SULF1: variants seen among roughly 807,000 people sequenced by gnomAD.
The protein encoded by SULF1 is extracellular sulfatase Sulf-1.
A neutral mutation model predicts 110.5 loss-of-function variants in SULF1; 46 were observed. The observed-to-expected ratio is 0.42, with a 90% CI of 0.33 to 0.53. SULF1 has a LOEUF of 0.53. SULF1 is among the 20% of genes least tolerant of loss of function. The pLI is 0.12. For synonymous variants in SULF1, 371 were observed against 387.1 expected (o/e 0.96, Z 0.49); for missense variants, 941 against 1,094.2 (o/e 0.86, Z 1.98).
At chr8:69,565,958 C>A (rs1815849029) in intron 5 of SULF1, among the ~76,000 whole-genome samples, 1 of 152,158 alleles carries the variant, frequency 6.6e-6, no homozygotes, top group South Asian at 2.1e-4. Context: ...CCTGGAGAAA[C>A]CCTACCTGTT....
At chr8:69,492,635 T>C (rs1052324571), upstream of SULF1, 13 of 152,248 alleles carry the variant, frequency 8.5e-5, no homozygotes, top group African/African-American at 3.1e-4. Context: ...GCAGTTTGTT[T>C]GCCGAGGTTT....
intron 19 of SULF1, among the ~76,000 whole-genome samples, chr8:69,630,351 A>T (rs372206235): frequency 6.6e-6 from 1 of 152,192 alleles, no homozygotes; most frequent in African/African-American, 2.4e-5. Context: ...ATTGAAGCTT[A>T]CCAGCCTATA....
At chr8:69,578,732 C>T (rs538079736) in intron 6 of SULF1, among the ~76,000 whole-genome samples, 1 of 152,206 alleles carries the variant, frequency 6.6e-6, no homozygotes, top group East Asian at 1.9e-4. Context: ...AGATTTGCTC[C>T]TGGAAACTAA....
chr8:69,549,619 G>C (rs1249373493), intron 3 of SULF1, among the ~76,000 whole-genome samples: 2 of 152,088 alleles, frequency 1.3e-5, no homozygotes, highest in African/African-American at 4.8e-5. Context: ...CATGGACTGG[G>C]GATATTGAAG....
chr8:69,521,010 G>C (rs1247889148), intron 3 of SULF1, among the ~76,000 whole-genome samples: 1 of 152,036 alleles, frequency 6.6e-6, no homozygotes, highest in Non-Finnish European at 1.5e-5. Flanking sequence ...TATAAAATGG[G>C]GGAAAATTTC....
At position 69,574,845 on chromosome 8, in the gene SULF1, C is replaced by T. The variant is rs182849203; in HGVS notation, c.173-1125C>T. On this transcript the variant is annotated intron_variant, in intron 5 of 22. Coordinates refer to ENST00000402687, the MANE Select transcript of SULF1 (RefSeq NM_001128205.2). ...TAATGAGACCCAATTAGAAACCCTC[C>T]TCCTGTTCTCATATGCGTCATGTGA... Among the ~76,000 whole-genome samples, 12 of 152,328 alleles carry T rather than the reference C, an allele frequency of 7.9e-5. No individual in the cohort carries two copies. In the East Asian group the frequency reaches 2.3e-3, roughly 29 times the overall value.
intron 3 of SULF1, among the ~76,000 whole-genome samples, chr8:69,535,060 T>A (rs994480203): frequency 6.6e-6 from 1 of 152,198 alleles, no homozygotes; most frequent in African/African-American, 2.4e-5. Context: ...CAAGACAATG[T>A]CTGGGCTCAC....
chr8:69,501,683 A>G (rs1202149792), intron 2 of SULF1, among the ~76,000 whole-genome samples, 191 bp from the exon 3 acceptor site: 1 of 152,238 alleles, frequency 6.6e-6, no homozygotes, highest in Admixed American at 6.5e-5. Flanking sequence ...ACTTCTACAA[A>G]AGGACCGAAT....
chr8:69,656,268 T>C (rs553810207), intron 22 of SULF1, among the ~76,000 whole-genome samples: 9 of 152,328 alleles, frequency 5.9e-5, no homozygotes, highest in Non-Finnish European at 1.3e-4. Context: ...TTAAGATGGT[T>C]TTTTAAATTC....
chr8:69,640,192 AAGAG>A (rs952882426), intron 21 of SULF1, among the ~76,000 whole-genome samples: 4 of 119,054 alleles, frequency 3.4e-5, no homozygotes, highest in African/African-American at 5.7e-5. Flanking sequence ...AAAAGAAAGA[AAGAG>A]AGAGAGAGAG....
At chr8:69,603,742 G>A in intron 12 of SULF1, 86 bp downstream of exon 12, 1 of 927,142 alleles carries the variant, frequency 1.1e-6, no homozygotes, top group South Asian at 1.3e-5. Context: ...CCTTATTTTT[G>A]TTTACTAAGC....
intron 1 of SULF1, among the ~76,000 whole-genome samples, chr8:69,479,165 G>A (rs753598587): frequency 1.3e-5 from 2 of 152,144 alleles, no homozygotes; most frequent in Non-Finnish European, 2.9e-5. Context: ...TCCTTGATTA[G>A]ATGTGAAATT....
chr8:69,601,767 A>T lies in SULF1; in HGVS notation c.999A>T (p.Pro333=), dbSNP rs781011371. The T allele has an allele frequency of 3.7e-6, 6 of 1,612,812 alleles. No homozygotes were observed. In the East Asian group the frequency reaches 1.3e-4, roughly 36 times the overall value. Residue 333 remains proline (P), a synonymous_variant, in exon 10 of 23, where the codon CCA becomes CCT. Transcript: ENST00000402687. ...QFGLVKGKSM[P]YDFDIRVPFF... ...GACTGGTCAAGGGGAAATCCATGCC[A>T]TATGACTTTGATATTCGTGTGCCTT...
chr8:69,516,398 A>G (rs1811920423), intron 3 of SULF1, among the ~76,000 whole-genome samples: 2 of 134,198 alleles, frequency 1.5e-5, no homozygotes, highest in South Asian at 5.0e-4. Flanking sequence ...AAAAAAAAAA[A>G]CAGATCTTGT....
chr8:69,589,632 G>C (rs1430356346), intron 8 of SULF1, among the ~76,000 whole-genome samples: 1 of 152,186 alleles, frequency 6.6e-6, no homozygotes, highest in African/African-American at 2.4e-5. Context: ...GCTTGCCCAA[G>C]AGGGCTTCTC....
At chr8:69,509,028 A>G (rs1010900935) in intron 3 of SULF1, among the ~76,000 whole-genome samples, 1 of 152,196 alleles carries the variant, frequency 6.6e-6, no homozygotes, top group Non-Finnish European at 1.5e-5. Flanking sequence ...TTACTCTATA[A>G]TTTCCTACAA....
Position 69,563,955 on chromosome 8 carries a change from T to C in SULF1, c.-21T>C, listed in dbSNP as rs993886158. ...GGAGACGGAGACATTTTGTCAGTTT[T>C]GCAACATTGGACCAAATACAATGAA... On this transcript the variant is annotated 5_prime_UTR_variant, in exon 5 of 23. Transcript: ENST00000402687. 1 of 1,608,676 alleles carries C rather than the reference T, an allele frequency of 6.2e-7. No homozygotes were observed. Among genetic ancestry groups the C allele is most frequent in the Non-Finnish European group, 8.5e-7 (1 of 1,175,570 alleles).
intron 1 of SULF1, among the ~76,000 whole-genome samples, chr8:69,487,361 T>C (rs1419153191): frequency 6.6e-6 from 1 of 152,228 alleles, no homozygotes; most frequent in Non-Finnish European, 1.5e-5. Flanking sequence ...GCCTTTCTAT[T>C]GTCAAACACA....
intron 1 of SULF1, among the ~76,000 whole-genome samples, chr8:69,480,198 G>A (rs994895365): frequency 6.6e-6 from 1 of 152,068 alleles, no homozygotes; most frequent in Non-Finnish European, 1.5e-5. Flanking sequence ...TAACCATTAC[G>A]ACTTCAAAAC....
Sources: allele counts gnomAD v4.1 joint callset (sites outside exome capture counted in the v4.1 genomes callset), GRCh38; gene constraint gnomAD v4.1.1; transcripts MANE v1.5; gene names NCBI Gene and HGNC (gene_info 2026-07-23, HGNC 2026-07-21).